The following PCDH9 variants were observed in gnomAD, a reference collection of about 807,000 sequenced individuals.
PCDH9 encodes protocadherin 9.
In PCDH9, 24 loss-of-function variants were observed where a neutral mutation model predicts 70.6. The ratio of observed to expected loss-of-function variants is 0.34; its 90% CI spans 0.25 to 0.48. PCDH9 has a LOEUF of 0.48. Ranked by LOEUF, PCDH9 falls within the 20% of genes least tolerant of loss-of-function variation. PCDH9 has a pLI of 0.99. For missense variants in PCDH9, 1,281 were observed against 1,503.6 expected (o/e 0.85, Z 2.45); for synonymous variants, 562 against 558.5 (o/e 1.01, Z -0.09).
chr13:66,733,864 A>ATG (rs2079108960), intron 3 of PCDH9, among the ~76,000 whole-genome samples: 1 of 152,146 alleles, frequency 6.6e-6, no homozygotes, highest in Non-Finnish European at 1.5e-5. Context: ...TGAAATAACA[A>ATG]TGCAATGAAA....
chr13:66,304,805 G>T lies in PCDH9; in HGVS notation c.3564C>A (p.Asn1188Lys), dbSNP rs749341936. The T allele has an allele frequency of 6.2e-7, 1 of 1,613,514 alleles. No homozygotes were observed. The highest frequency in any genetic ancestry group is 1.3e-5 in the African/African-American group (1 of 74,978). The change falls in exon 5 of 5, where the codon AAC becomes AAA. Residue 1188 changes from asparagine to lysine, a missense_variant. Asn to Lys is a moderately conservative substitution (Grantham distance 94, BLOSUM62 0). Coordinates refer to ENST00000377865, the MANE Select transcript of PCDH9 (RefSeq NM_203487.3). ...TLTRAWKEDS[N>K]RNQFNDRKQY... ...GCTTACGGTCATTGAACTGGTTCCT[G>T]TTGCTGTCTTCTTTCCAGGCTCTGG...
chr13:66,631,106 A>G, intron 4 of PCDH9, 104 bp downstream of exon 4: 2 of 669,870 alleles, frequency 3.0e-6, no homozygotes, highest in Non-Finnish European at 5.4e-6. Flanking sequence ...CAGCAAAAAA[A>G]TAACTAAATG....
chr13:67,070,822 T>C (rs2138153458), intron 2 of PCDH9, among the ~76,000 whole-genome samples: 1 of 152,298 alleles, frequency 6.6e-6, no homozygotes, highest in East Asian at 1.9e-4. Context: ...ATTCTTTTTT[T>C]TCTGAAAACA....
chr13:66,561,352 C>T (rs1033561706), intron 4 of PCDH9, among the ~76,000 whole-genome samples: 5 of 152,176 alleles, frequency 3.3e-5, no homozygotes, highest in African/African-American at 7.2e-5. Flanking sequence ...GGAGGAGTGC[C>T]GCCCCTTGCT....
At chr13:66,660,353 A>G (rs1452176580) in intron 3 of PCDH9, among the ~76,000 whole-genome samples, 1 of 103,530 alleles carries the variant, frequency 9.7e-6, no homozygotes, top group Non-Finnish European at 2.1e-5. Context: ...CCTTATAATG[A>G]ATCACTGCAC....
chr13:66,962,971 T>A (rs1469038156), intron 2 of PCDH9, among the ~76,000 whole-genome samples: 2 of 152,196 alleles, frequency 1.3e-5, no homozygotes, highest in African/African-American at 2.4e-5. Flanking sequence ...AAGCTTGTTT[T>A]CCTGCAACTA....
At chr13:66,969,111 T>C (rs1332779056) in intron 2 of PCDH9, among the ~76,000 whole-genome samples, 1 of 152,104 alleles carries the variant, frequency 6.6e-6, no homozygotes, top group Non-Finnish European at 1.5e-5. Context: ...CAGTAAGCTG[T>C]CAATCAATTT....
chr13:66,738,798 A>G (rs929133227), intron 3 of PCDH9, among the ~76,000 whole-genome samples: 1 of 152,124 alleles, frequency 6.6e-6, no homozygotes, highest in African/African-American at 2.4e-5. Flanking sequence ...GAGAAAAAAA[A>G]TAAAAAGAAA....
chr13:66,451,645 G>A (rs186411015), intron 4 of PCDH9, among the ~76,000 whole-genome samples: 231 of 152,226 alleles, frequency 1.5e-3, no homozygotes, highest in Non-Finnish European at 3.0e-3. Flanking sequence ...GGAATCTAAG[G>A]TTCAGAAAGA....
At chr13:66,946,064 T>A (rs1035949902) in intron 2 of PCDH9, among the ~76,000 whole-genome samples, 5 of 152,170 alleles carry the variant, frequency 3.3e-5, no homozygotes, top group Admixed American at 6.5e-5. Context: ...GTGGTCTTGA[T>A]CTGCATTCAT....
At chr13:66,695,469 CT>C (rs36010159) in intron 3 of PCDH9, among the ~76,000 whole-genome samples, 1 of 152,042 alleles carries the variant, frequency 6.6e-6, no homozygotes, top group African/African-American at 2.4e-5. Flanking sequence ...TATAATCATG[CT>C]TTTTTCTTCA....
chr13:66,516,920 A>C (rs1959764011), intron 4 of PCDH9, among the ~76,000 whole-genome samples: 1 of 152,142 alleles, frequency 6.6e-6, no homozygotes, highest in South Asian at 2.1e-4. Context: ...AATTAATTTA[A>C]ATGCTATTTG....
intron 2 of PCDH9, among the ~76,000 whole-genome samples, chr13:66,939,422 A>ATGTGTGTGTGTG (rs1356076178): frequency 3.3e-5 from 2 of 59,722 alleles, no homozygotes; most frequent in Non-Finnish European, 7.5e-5. Context: ...ACTTTAAAAT[A>ATGTGTGTGTGTG]TATGTGTGTG....
At chr13:66,931,713 CA>C (rs1191667470) in intron 2 of PCDH9, among the ~76,000 whole-genome samples, 1 of 152,078 alleles carries the variant, frequency 6.6e-6, no homozygotes, top group African/African-American at 2.4e-5. Flanking sequence ...TTGCCTGTGT[CA>C]AGTCCTCAAC....
chr13:66,506,369 C>T (rs913387489), intron 4 of PCDH9, among the ~76,000 whole-genome samples: 1 of 152,152 alleles, frequency 6.6e-6, no homozygotes, highest in African/African-American at 2.4e-5. Flanking sequence ...CGGCAAACTA[C>T]TGTTATTTCT....
At chr13:66,473,425 T>C (rs1358986590) in intron 4 of PCDH9, among the ~76,000 whole-genome samples, 2 of 152,090 alleles carry the variant, frequency 1.3e-5, no homozygotes. Flanking sequence ...TTTCTGTGCA[T>C]GTACACACAC....
intron 2 of PCDH9, among the ~76,000 whole-genome samples, chr13:66,935,708 T>C (rs932049746): frequency 6.6e-6 from 1 of 152,074 alleles, no homozygotes; most frequent in African/African-American, 2.4e-5. Flanking sequence ...GAAACAAAAA[T>C]ACATGTTAAA....
intron 4 of PCDH9, among the ~76,000 whole-genome samples, chr13:66,388,676 T>C (rs570423782): frequency 6.6e-6 from 1 of 152,294 alleles, no homozygotes; most frequent in African/African-American, 2.4e-5. Context: ...GTTCATTGTA[T>C]TTTGAGGGTA....
chr13:66,630,424 G>A (rs1218090081), intron 4 of PCDH9, among the ~76,000 whole-genome samples: 4 of 152,070 alleles, frequency 2.6e-5, no homozygotes, highest in Admixed American at 6.6e-5. Flanking sequence ...TTTAATAAAA[G>A]TAAGCTAGTC....
Sources: allele counts gnomAD v4.1 joint callset (sites outside exome capture counted in the v4.1 genomes callset), GRCh38; gene constraint gnomAD v4.1.1; transcripts MANE v1.5; gene names NCBI Gene and HGNC (gene_info 2026-07-23, HGNC 2026-07-21).